Variants in CUX1 observed in about 807,000 individuals in gnomAD.
CUX1 encodes cut like homeobox 1, also known as protein CASP.
CUX1 carries 31 observed loss-of-function variants against 158.8 expected under a neutral mutation model. The ratio of observed to expected loss-of-function variants is 0.20; its 90% CI spans 0.15 to 0.26. The LOEUF is 0.26. CUX1 is among the 10% of genes least tolerant of loss of function. The pLI is 1.00. For missense variants in CUX1, 1,589 were observed against 2,014.6 expected (o/e 0.79, Z 4.04); for synonymous variants, 879 against 862.1 (o/e 1.02, Z -0.34).
At chr7:102,198,175 G>A (rs1278804837) in intron 15 of CUX1, among the ~76,000 whole-genome samples, 1 of 152,168 alleles carries the variant, frequency 6.6e-6, no homozygotes, top group Non-Finnish European at 1.5e-5. Flanking sequence ...CAGGAGGATG[G>A]CTTGAGCCCA....
chr7:102,186,132 C>T (rs1231857885), intron 11 of CUX1, among the ~76,000 whole-genome samples: 2 of 152,104 alleles, frequency 1.3e-5, no homozygotes, highest in East Asian at 1.9e-4. Context: ...ATCGAAGAAC[C>T]GCACTGAGGA....
At chr7:101,956,037 C>T (rs973955872) in intron 2 of CUX1, among the ~76,000 whole-genome samples, 16 of 148,652 alleles carry the variant, frequency 1.1e-4, no homozygotes, top group African/African-American at 3.9e-4. Context: ...AAAAAATTAG[C>T]CGGGTGAGGT....
intron 1 of CUX1, among the ~76,000 whole-genome samples, chr7:101,882,488 AAAAAG>A (rs1350480418): frequency 6.6e-6 from 1 of 152,182 alleles, no homozygotes; most frequent in African/African-American, 2.4e-5. Flanking sequence ...GTAGAAATTA[AAAAAG>A]AAAAAAAGAC....
At chr7:102,022,312 C>G (rs1819469675) in intron 2 of CUX1, among the ~76,000 whole-genome samples, 1 of 152,076 alleles carries the variant, frequency 6.6e-6, no homozygotes, top group Non-Finnish European at 1.5e-5. Flanking sequence ...TGTGAATCAG[C>G]AGTTTCGAGA....
At chr7:101,930,269 TG>T (rs766138887) in intron 2 of CUX1, among the ~76,000 whole-genome samples, 1 of 152,246 alleles carries the variant, frequency 6.6e-6, no homozygotes, top group African/African-American at 2.4e-5. Context: ...TCAGGGGGAA[TG>T]TTTTCTAGGA....
chr7:101,970,301 G>A (rs965704868), intron 2 of CUX1, among the ~76,000 whole-genome samples: 1 of 151,902 alleles, frequency 6.6e-6, no homozygotes, highest in Non-Finnish European at 1.5e-5. Flanking sequence ...CCTTGACTTT[G>A]AGTCCTTCCA....
At chr7:102,180,693 C>A (rs1456342901) in intron 11 of CUX1, among the ~76,000 whole-genome samples, 1 of 149,114 alleles carries the variant, frequency 6.7e-6, no homozygotes, top group Non-Finnish European at 1.5e-5. Context: ...TATACCAAGA[C>A]TAAGTTTCCA....
intron 1 of CUX1, among the ~76,000 whole-genome samples, chr7:101,910,851 T>TAAC (rs1803356409): frequency 6.6e-6 from 1 of 152,184 alleles, no homozygotes; most frequent in African/African-American, 2.4e-5. Flanking sequence ...AGACAGCTGG[T>TAAC]TACATGGTAG....
chr7:102,041,871 G>A (rs1411091589), intron 3 of CUX1, among the ~76,000 whole-genome samples: 2 of 152,064 alleles, frequency 1.3e-5, no homozygotes, highest in Non-Finnish European at 2.9e-5. Context: ...ATTTTGCCAT[G>A]TTGGCCAGGC....
chr7:102,253,099 C>G lies in CUX1; in HGVS notation c.*4057C>G. On this transcript the variant is annotated 3_prime_UTR_variant, in exon 24 of 24. Transcript: ENST00000292535. Reference sequence around the variant, plus strand: ...CCTTGTACCTCCAAAGTACAAATACCTCCCTGCTCAGTTTCCTTCCTGTCG... The same window carrying G: ...CCTTGTACCTCCAAAGTACAAATACGTCCCTGCTCAGTTTCCTTCCTGTCG... 1 of 985,482 alleles carries G rather than the reference C, an allele frequency of 1.0e-6. No homozygotes were observed. The highest frequency in any genetic ancestry group is 1.2e-6 in the Non-Finnish European group (1 of 829,960). 61.0% of individuals were successfully genotyped at this position (985,482 alleles called of 1,614,324 possible).
intron 2 of CUX1, among the ~76,000 whole-genome samples, chr7:101,978,897 C>T (rs77072383): frequency 8.2e-4 from 125 of 152,308 alleles, no homozygotes; most frequent in African/African-American, 2.9e-3. Flanking sequence ...GGCCACTTCA[C>T]GGCGTACGTC....
In CUX1 at chr7:102,093,226, T is replaced by TAA. The variant is rs10570840; in HGVS notation, c.269-4120_269-4119dup. Among the ~76,000 whole-genome samples the TAA allele has an allele frequency of 1.5e-4, 21 of 139,718 alleles. 1 individual carries two copies. The East Asian group carries it at 4.7e-3, about 31-fold the overall frequency. 91.7% of individuals were successfully genotyped at this position (139,718 alleles called of 152,430 possible). ...AGGCTGGAGTGAGACCCTATCTCTT[T>TAA]AAAAAAAAAAAAAAAAAAAGAAAGT... On this transcript the variant is annotated intron_variant, in intron 4 of 23. Transcript: ENST00000292535.
intron 14 of CUX1, among the ~76,000 whole-genome samples, chr7:102,266,295 G>C (rs1316513444): frequency 2.0e-5 from 3 of 151,758 alleles, no homozygotes; most frequent in Non-Finnish European, 4.4e-5. Context: ...CCGGGGTTTG[G>C]TCTGAGCCAC....
chr7:101,960,964 G>GC (rs1810402573), intron 2 of CUX1: 1 of 152,338 alleles, frequency 6.6e-6, no homozygotes, highest in African/African-American at 2.4e-5. Context: ...ATGGCTGGAT[G>GC]CAGAAGGTGA....
At chr7:102,151,446 G>A (rs782630030) in intron 8 of CUX1, among the ~76,000 whole-genome samples, 33 of 152,046 alleles carry the variant, frequency 2.2e-4, no homozygotes, top group Non-Finnish European at 4.4e-4. Flanking sequence ...CCAGCTACTC[G>A]GAAGGCTGAG....
intron 11 of CUX1, among the ~76,000 whole-genome samples, chr7:102,187,323 C>T (rs1319529579): frequency 6.6e-6 from 1 of 151,886 alleles, no homozygotes; most frequent in South Asian, 2.1e-4. Context: ...AGTGTGACCT[C>T]GTCACTACAA....
At chr7:101,938,881 A>G (rs1443730887) in intron 2 of CUX1, among the ~76,000 whole-genome samples, 2 of 151,544 alleles carry the variant, frequency 1.3e-5, no homozygotes, top group Non-Finnish European at 2.9e-5. Context: ...CCTCTACTAA[A>G]AACACAAAAA....
intron 23 of CUX1, among the ~76,000 whole-genome samples, chr7:102,243,311 G>A (rs1483172018): frequency 6.6e-6 from 1 of 152,086 alleles, no homozygotes; most frequent in Non-Finnish European, 1.5e-5. Flanking sequence ...ATCCAGAGTA[G>A]ACACTCAACA....
At chr7:102,065,583 C>T (rs1019210021) in intron 3 of CUX1, among the ~76,000 whole-genome samples, 1 of 152,144 alleles carries the variant, frequency 6.6e-6, no homozygotes, top group Non-Finnish European at 1.5e-5. Context: ...ACCTCATGGT[C>T]CATTTGCATA....
Sources: gnomAD v4.1 joint callset for allele counts (sites outside exome capture counted in the v4.1 genomes callset) on GRCh38, gnomAD v4.1.1 for gene constraint, MANE v1.5 for transcripts, NCBI Gene and HGNC (gene_info 2026-07-23, HGNC 2026-07-21) for gene names.